Variants in ATG16L1 observed in about 807,000 individuals in gnomAD.
ATG16L1 encodes the protein autophagy related 16 like 1.
In ATG16L1, 37 loss-of-function variants were observed where a neutral mutation model predicts 88.5. The observed-to-expected ratio is 0.42, with a 90% CI of 0.32 to 0.55. ATG16L1 has a LOEUF of 0.55. Ranked by LOEUF, ATG16L1 falls within the 20% of genes least tolerant of loss-of-function variation. The pLI is 0.13. For synonymous variants in ATG16L1, 301 were observed against 281.0 expected (o/e 1.07, Z -0.71); for missense variants, 554 against 752.8 (o/e 0.74, Z 3.09).
At chr2:233,287,269 C>G (rs549867885) in intron 12 of ATG16L1, among the ~76,000 whole-genome samples, 1 of 152,132 alleles carries the variant, frequency 6.6e-6, no homozygotes, top group African/African-American at 2.4e-5. Context: ...AAAATGCTTA[C>G]GCTATAAGCT....
At chr2:233,271,782 T>C (rs1235412491) in intron 6 of ATG16L1, among the ~76,000 whole-genome samples, 7 of 152,264 alleles carry the variant, frequency 4.6e-5, no homozygotes, top group Non-Finnish European at 7.3e-5. Context: ...AGTTCCTGTC[T>C]TTGCAGTTCT....
intron 6 of ATG16L1, among the ~76,000 whole-genome samples, chr2:233,271,352 C>T (rs1697973498): frequency 6.6e-6 from 1 of 152,230 alleles, no homozygotes; most frequent in Admixed American, 6.5e-5. Context: ...AATCTCAGCT[C>T]ACTGCAACCT....
Position 233,292,123 on chromosome 2 carries a change from C to T in ATG16L1, c.1431-5C>T, listed in dbSNP as rs375223236. The T allele has an allele frequency of 4.4e-5, 71 of 1,614,018 alleles. No individual in the cohort carries two copies. The highest frequency in any genetic ancestry group is 5.9e-5 in the Non-Finnish European group (70 of 1,180,000). Reference sequence around the variant, plus strand: ...TACATTTCTCAGATCTGTTCTCCCTCTTAGATCAGAGAGCATAGTTCGAGA... The same window carrying T: ...TACATTTCTCAGATCTGTTCTCCCTTTTAGATCAGAGAGCATAGTTCGAGA... On this transcript the variant is annotated splice_polypyrimidine_tract_variant and splice_region_variant and intron_variant, in intron 14 of 17. Transcript: ENST00000392017.
At chr2:233,293,608 T>A (rs1485634154) in intron 17 of ATG16L1, among the ~76,000 whole-genome samples, 1 of 71,768 alleles carries the variant, frequency 1.4e-5, no homozygotes, top group Admixed American at 1.7e-4. Flanking sequence ...TAGAAACACA[T>A]CCCTGACTCT....
intron 6 of ATG16L1, among the ~76,000 whole-genome samples, chr2:233,271,382 G>A (rs1045816303): frequency 6.6e-6 from 1 of 152,216 alleles, no homozygotes; most frequent in Non-Finnish European, 1.5e-5. Flanking sequence ...AGGTTTAAGC[G>A]ACTCTCCTGC....
chr2:233,269,858 G>A (rs1381434174), intron 5 of ATG16L1, 144 bp from the exon 6 acceptor site: 2 of 706,570 alleles, frequency 2.8e-6, no homozygotes, highest in African/African-American at 1.8e-5. Flanking sequence ...TTGGGCTTGT[G>A]ACTTTTGAGT....
intron 16 of ATG16L1, among the ~76,000 whole-genome samples, chr2:233,292,759 G>C (rs200737703): frequency 6.6e-6 from 1 of 152,262 alleles, no homozygotes; most frequent in East Asian, 1.9e-4. Context: ...AGGAGTGGCC[G>C]TGGGCCTGGG....
At chr2:233,266,333 C>T (rs529203919) in intron 5 of ATG16L1, among the ~76,000 whole-genome samples, 2 of 152,174 alleles carry the variant, frequency 1.3e-5, no homozygotes, top group South Asian at 2.1e-4. Context: ...GTGGTATGTG[C>T]TTGTGGCCTC....
intron 5 of ATG16L1, among the ~76,000 whole-genome samples, chr2:233,269,635 C>T (rs1697848364): frequency 6.6e-6 from 1 of 152,166 alleles, no homozygotes. Flanking sequence ...ATGCTCAACC[C>T]GTGTAAGACT....
intron 12 of ATG16L1, among the ~76,000 whole-genome samples, chr2:233,286,091 A>T (rs1260082047): frequency 2.6e-5 from 4 of 152,016 alleles, no homozygotes; most frequent in Non-Finnish European, 5.9e-5. Flanking sequence ...CACAGTGAGG[A>T]TTGGCTATGG....
At chr2:233,290,118 A>G (rs1699365460) in intron 13 of ATG16L1, 130 bp from the exon 14 acceptor site, 3 of 1,503,926 alleles carry the variant, frequency 2.0e-6, no homozygotes, top group South Asian at 1.2e-5. Context: ...GAGGATAGTG[A>G]TAGTTTTTCT....
intron 14 of ATG16L1, among the ~76,000 whole-genome samples, chr2:233,291,202 T>A (rs928598891): frequency 2.6e-5 from 4 of 152,192 alleles, no homozygotes; most frequent in African/African-American, 9.7e-5. Flanking sequence ...TGATAGATGA[T>A]GCTTTGAAAC....
chr2:233,283,473 T>G (rs1379961414), intron 12 of ATG16L1, among the ~76,000 whole-genome samples: 1 of 143,452 alleles, frequency 7.0e-6, no homozygotes, highest in Non-Finnish European at 1.5e-5. Flanking sequence ...AAAAAAAAAT[T>G]TTTTTTTAAA....
At chr2:233,278,912 A>G (rs1181973173) in intron 10 of ATG16L1, among the ~76,000 whole-genome samples, 2 of 152,140 alleles carry the variant, frequency 1.3e-5, no homozygotes, top group East Asian at 1.9e-4. Context: ...ATAAAAACAA[A>G]TCATAAGAAA....
Position 233,253,340 on chromosome 2 carries a change from G to GTTTTTTT in ATG16L1, c.115+1413_115+1419dup, listed in dbSNP as rs56151049. Among the ~76,000 whole-genome samples, 21 of 108,642 alleles carry GTTTTTTT rather than the reference G, an allele frequency of 1.9e-4. 1 individual carries two copies. Among genetic ancestry groups the GTTTTTTT allele is most frequent in the African/African-American group, 3.6e-4 (10 of 27,636 alleles). The allele number at this position is 108,642 out of a possible 152,430, so 71.3% of individuals were successfully genotyped here. A position where few individuals can be genotyped will look rare whatever the true frequency, so the allele number is the denominator to read the frequency against. On this transcript the variant is annotated intron_variant, in intron 1 of 17. Transcript: ENST00000392017. ...GTTAATGGTGAGACTGGGTTTTTTT[G>GTTTTTTT]TTTTTTTTTTTTTTTTTTTTTGGAG...
Position 233,294,501 on chromosome 2 carries a change from G to T in ATG16L1, c.*151G>T. 1 of 541,432 alleles carries T rather than the reference G, an allele frequency of 1.8e-6. No individual in the cohort carries two copies. The highest frequency in any genetic ancestry group is 2.6e-5 in the South Asian group (1 of 38,864). 33.5% of individuals were successfully genotyped at this position (541,432 alleles called of 1,614,324 possible). ...GTGGCACTGTAGCTTTGCCGTGAAT[G>T]GGATTTCTGAAGATTTGACTGAGGT... On this transcript the variant is annotated 3_prime_UTR_variant, in exon 18 of 18. Coordinates refer to ENST00000392017, the MANE Select transcript of ATG16L1 (RefSeq NM_030803.7).
intron 5 of ATG16L1, among the ~76,000 whole-genome samples, chr2:233,267,462 T>A (rs79648914): frequency 9.9e-4 from 150 of 152,152 alleles, no homozygotes; most frequent in African/African-American, 3.5e-3. Context: ...TATACTTTTT[T>A]AAAAAAATGA....
chr2:233,276,229 T>A (rs1698362335), intron 9 of ATG16L1, among the ~76,000 whole-genome samples: 1 of 152,180 alleles, frequency 6.6e-6, no homozygotes, highest in South Asian at 2.1e-4. Flanking sequence ...TCACATATTC[T>A]CTTCCCCAAG....
chr2:233,293,078 A>T (rs1277215648), intron 16 of ATG16L1, among the ~76,000 whole-genome samples, 178 bp from the exon 17 acceptor site: 1 of 152,208 alleles, frequency 6.6e-6, no homozygotes, highest in Non-Finnish European at 1.5e-5. Flanking sequence ...CGGGGCTGAA[A>T]TACTGGGGAA....
Sources: gnomAD v4.1 joint callset for allele counts (sites outside exome capture counted in the v4.1 genomes callset) on GRCh38, gnomAD v4.1.1 for gene constraint, MANE v1.5 for transcripts, NCBI Gene and HGNC (gene_info 2026-07-23, HGNC 2026-07-21) for gene names.